Variants in DTWD2 observed in about 807,000 individuals in gnomAD.
DTWD2 encodes the protein tRNA-uridine aminocarboxypropyltransferase 2.
A neutral mutation model predicts 31.8 loss-of-function variants in DTWD2; 39 were observed. The observed-to-expected ratio is 1.22, with a 90% CI of 0.95 to 1.60. DTWD2 has a LOEUF of 1.60. Among genes scored for constraint, DTWD2 ranks in the 40% most tolerant of loss-of-function variants. The pLI is 0.00. For missense variants in DTWD2, 515 were observed against 381.5 expected (o/e 1.35, Z -2.92); for synonymous variants, 180 against 142.8 (o/e 1.26, Z -1.86).
At chr5:118,967,253 C>A (rs1207305371) in intron 1 of DTWD2, among the ~76,000 whole-genome samples, 1 of 152,088 alleles carries the variant, frequency 6.6e-6, no homozygotes, top group Non-Finnish European at 1.5e-5. Context: ...GGATGAAACT[C>A]ATGGTTTCTT....
chr5:118,925,401 T>C (rs184589448), intron 4 of DTWD2, among the ~76,000 whole-genome samples: 5 of 152,344 alleles, frequency 3.3e-5, no homozygotes, highest in Non-Finnish European at 7.3e-5. Flanking sequence ...CAGGTACCTA[T>C]TCACACAGAA....
intron 1 of DTWD2, among the ~76,000 whole-genome samples, chr5:118,945,313 A>G (rs1046733382): frequency 1.3e-5 from 2 of 152,076 alleles, no homozygotes; most frequent in Non-Finnish European, 2.9e-5. Flanking sequence ...TTCAATTAGA[A>G]TTAAAGGCTA....
intron 4 of DTWD2, among the ~76,000 whole-genome samples, chr5:118,879,243 C>T (rs573123466): frequency 9.9e-4 from 150 of 152,072 alleles, no homozygotes; most frequent in Non-Finnish European, 1.6e-3. Flanking sequence ...AACCTAAATG[C>T]CTATTAGTGA....
intron 4 of DTWD2, among the ~76,000 whole-genome samples, chr5:118,912,130 C>T (rs534815495): frequency 6.6e-6 from 1 of 152,274 alleles, no homozygotes; most frequent in East Asian, 1.9e-4. Flanking sequence ...CTAGCAGAAG[C>T]CTGACTCAAA....
intron 1 of DTWD2, among the ~76,000 whole-genome samples, chr5:118,966,743 T>C (rs1754858610): frequency 6.6e-6 from 1 of 152,050 alleles, no homozygotes; most frequent in Admixed American, 6.6e-5. Flanking sequence ...TAAAAGTCAA[T>C]CAGAGGCCAG....
At chr5:118,845,813 T>C (rs1421760263) in intron 5 of DTWD2, among the ~76,000 whole-genome samples, 1 of 152,242 alleles carries the variant, frequency 6.6e-6, no homozygotes, top group Non-Finnish European at 1.5e-5. Flanking sequence ...AGAATGTATT[T>C]TGCAAGTCTC....
chr5:118,985,400 G>A (rs892362984), intron 1 of DTWD2, among the ~76,000 whole-genome samples: 4 of 149,674 alleles, frequency 2.7e-5, no homozygotes, highest in African/African-American at 9.8e-5. Context: ...CTTTTTATAT[G>A]TTCCTATAAC....
intron 4 of DTWD2, among the ~76,000 whole-genome samples, chr5:118,923,970 T>TGG (rs1753758362): frequency 1.3e-5 from 2 of 152,188 alleles, no homozygotes; most frequent in Non-Finnish European, 2.9e-5. Flanking sequence ...TCAAGAGCTG[T>TGG]CATAATTGCT....
chr5:118,876,378 T>C (rs980829635), intron 4 of DTWD2, among the ~76,000 whole-genome samples: 2 of 151,606 alleles, frequency 1.3e-5, no homozygotes, highest in African/African-American at 2.4e-5. Flanking sequence ...GGCTAAGACA[T>C]GAAAAACCGT....
Position 118,942,701 on chromosome 5 carries a change from T to TA in DTWD2, c.309+1857dup, listed in dbSNP as rs138300471. Among the ~76,000 whole-genome samples, 301 of 151,986 alleles carry TA rather than the reference T, an allele frequency of 2.0e-3. 1 individual carries two copies. The highest frequency in any genetic ancestry group is 3.7e-3 in the Non-Finnish European group (251 of 67,946). On this transcript the variant is annotated intron_variant, in intron 2 of 5. Transcript: ENST00000510708. Reference sequence around the variant, plus strand: ...CACAAATCAATGAAAACACCCACACTAAAAAAGCTATCTTATATCTGGAAC... The same window carrying TA: ...CACAAATCAATGAAAACACCCACACTAAAAAAAGCTATCTTATATCTGGAAC...
chr5:118,930,498 T>A (rs949627825), intron 3 of DTWD2, among the ~76,000 whole-genome samples: 1 of 151,922 alleles, frequency 6.6e-6, no homozygotes, highest in Non-Finnish European at 1.5e-5. Flanking sequence ...CTTAGATTCG[T>A]CAGAGAATTG....
intron 4 of DTWD2, among the ~76,000 whole-genome samples, chr5:118,884,735 G>A (rs989960033): frequency 6.6e-6 from 1 of 152,036 alleles, no homozygotes; most frequent in African/African-American, 2.4e-5. Context: ...GGCTGGGCGT[G>A]GTGGCTCATG....
intron 5 of DTWD2, among the ~76,000 whole-genome samples, chr5:118,847,068 G>C (rs560834261): frequency 1.3e-4 from 20 of 152,030 alleles, no homozygotes; most frequent in Non-Finnish European, 2.5e-4. Flanking sequence ...TTCAAGGCCT[G>C]CTTCTAACAT....
intron 4 of DTWD2, among the ~76,000 whole-genome samples, chr5:118,920,870 TC>T (rs1753688240): frequency 1.3e-5 from 2 of 152,208 alleles, no homozygotes; most frequent in South Asian, 4.1e-4. Context: ...AAACTTGGAT[TC>T]AAGTTTCATA....
At chr5:118,876,661 C>T (rs1752628498) in intron 4 of DTWD2, among the ~76,000 whole-genome samples, 1 of 152,148 alleles carries the variant, frequency 6.6e-6, no homozygotes, top group African/African-American at 2.4e-5. Context: ...TGGACACATA[C>T]ACCCTCCCAA....
intron 1 of DTWD2, among the ~76,000 whole-genome samples, chr5:118,984,670 G>C (rs1025464905): frequency 4.3e-4 from 65 of 152,120 alleles, no homozygotes; most frequent in African/African-American, 1.5e-3. Flanking sequence ...TTCCATCTCA[G>C]GGTCTATCTG....
intron 4 of DTWD2, among the ~76,000 whole-genome samples, chr5:118,866,745 C>T (rs1359543249): frequency 6.6e-6 from 1 of 151,870 alleles, no homozygotes; most frequent in Non-Finnish European, 1.5e-5. Context: ...GGTGAAACCC[C>T]ATCTCTACTA....
At chr5:118,919,807 C>T (rs973427930) in intron 4 of DTWD2, among the ~76,000 whole-genome samples, 1 of 152,052 alleles carries the variant, frequency 6.6e-6, no homozygotes, top group Non-Finnish European at 1.5e-5. Flanking sequence ...CATATTTATA[C>T]TATATTTGAA....
At chr5:118,847,940 A>G (rs2112674999) in intron 5 of DTWD2, 150 bp downstream of exon 5, 1 of 783,508 alleles carries the variant, frequency 1.3e-6, no homozygotes, top group South Asian at 3.7e-5. Flanking sequence ...AACACCAGAG[A>G]GGAAACAAGG....
Sources: allele counts gnomAD v4.1 joint callset (sites outside exome capture counted in the v4.1 genomes callset), GRCh38; gene constraint gnomAD v4.1.1; transcripts MANE v1.5; gene names NCBI Gene and HGNC (gene_info 2026-07-23, HGNC 2026-07-21).